The following TBC1D7 variants were observed in gnomAD, a reference collection of about 807,000 sequenced individuals.
The protein encoded by TBC1D7 is TBC1 domain family member 7, also known as TBC domain family 7.
Under a neutral mutation model 35.3 loss-of-function variants are expected in TBC1D7, and 33 were observed. The observed-to-expected ratio is 0.93, with a 90% CI of 0.71 to 1.25. TBC1D7 has a LOEUF of 1.25. Among genes scored for constraint, TBC1D7 ranks in the 50% most tolerant of loss-of-function variants. TBC1D7 has a pLI of 0.00. For missense variants in TBC1D7, 362 were observed against 365.3 expected (o/e 0.99, Z 0.07); for synonymous variants, 135 against 129.5 (o/e 1.04, Z -0.29).
chr6:13,316,483 A>G (rs1202423852), intron 5 of TBC1D7, 88 bp downstream of exon 5: 1 of 1,377,308 alleles, frequency 7.3e-7, no homozygotes, highest in African/African-American at 1.5e-5. Flanking sequence ...TCAGAATTGC[A>G]GCAGCCCCAG....
At chr6:13,322,851 C>T (rs1229075576) in intron 3 of TBC1D7, among the ~76,000 whole-genome samples, 2 of 152,186 alleles carry the variant, frequency 1.3e-5, no homozygotes, top group Non-Finnish European at 2.9e-5. Context: ...CTAGAGGCAG[C>T]ACATTAACCC....
intron 5 of TBC1D7, among the ~76,000 whole-genome samples, chr6:13,315,471 T>C (rs1783536543): frequency 6.6e-6 from 1 of 152,160 alleles, no homozygotes; most frequent in Non-Finnish European, 1.5e-5. Context: ...CCCAGCACTT[T>C]GGGAGGCCAA....
chr6:13,316,352 G>C (rs1186447013), intron 5 of TBC1D7, among the ~76,000 whole-genome samples: 1 of 152,190 alleles, frequency 6.6e-6, no homozygotes, highest in African/African-American at 2.4e-5. Flanking sequence ...GGTTGCTTTT[G>C]TGCAACAACA....
chr6:13,321,230 T>C (rs1052208271), intron 3 of TBC1D7, 135 bp from the exon 4 acceptor site: 4 of 683,292 alleles, frequency 5.9e-6, no homozygotes, highest in Admixed American at 2.9e-5. Flanking sequence ...TCAAGTACCA[T>C]GTAGAATCTC....
At chr6:13,318,316 A>T (rs1017633638) in intron 4 of TBC1D7, 2 of 152,250 alleles carry the variant, frequency 1.3e-5, no homozygotes, top group African/African-American at 4.8e-5. Context: ...GGGATGGCAG[A>T]GTCCAAAACA....
intron 5 of TBC1D7, among the ~76,000 whole-genome samples, chr6:13,313,001 C>T (rs2496147): frequency 0.31 from 46,795 of 151,930 alleles, 7,488 homozygotes; most frequent in South Asian, 0.46. Flanking sequence ...ACACAGATTT[C>T]TTTGTCATTA....
At position 13,326,901 on chromosome 6, in the gene TBC1D7, T is replaced by G; in HGVS notation, c.-3A>C. 1 of 1,583,004 alleles carries G rather than the reference T, an allele frequency of 6.3e-7. No individual in the cohort carries two copies. The highest frequency in any genetic ancestry group is 2.3e-5 in the East Asian group (1 of 44,224). The stretch of plus-strand genomic sequence containing the variant: ...TTTCTCTGAGAGTCCTCAGTCATAT[T>G]TCATTCTTGGAGGAGACACAGAAAG... On this transcript the variant is annotated 5_prime_UTR_variant, in exon 2 of 8. Coordinates refer to ENST00000379300, the MANE Select transcript of TBC1D7 (RefSeq NM_016495.6).
At position 13,307,700 on chromosome 6, in the gene TBC1D7, G is replaced by C; in HGVS notation, c.565C>G (p.Leu189Val). ...GCGGAACACATCCTCAGATGAGTCAGCAGTCTGCCATCTTCCAGATTCAAG... is the reference window on the plus strand; with the variant it reads ...GCGGAACACATCCTCAGATGAGTCACCAGTCTGCCATCTTCCAGATTCAAG... Reference protein sequence around the residue: ...QYLNLEDGRLLTHLRMCSAAP... With the variant: ...QYLNLEDGRLVTHLRMCSAAP... Residue 189 changes from leucine to valine, a missense_variant, in exon 6 of 8, where the codon CTG becomes GTG. Coordinates refer to ENST00000379300, the MANE Select transcript of TBC1D7 (RefSeq NM_016495.6). 6.2e-7 allele frequency: 1 copy of C among 1,614,086 alleles called. No individual in the cohort carries two copies. The highest frequency in any genetic ancestry group is 8.5e-7 in the Non-Finnish European group (1 of 1,179,986).
chr6:13,315,518 G>C (rs1023545710), intron 5 of TBC1D7, among the ~76,000 whole-genome samples: 1 of 151,930 alleles, frequency 6.6e-6, no homozygotes, highest in African/African-American at 2.4e-5. Flanking sequence ...GTTCAAGACC[G>C]GCCTGACCAA....
intron 5 of TBC1D7, among the ~76,000 whole-genome samples, chr6:13,316,009 AAC>A (rs764588971): frequency 9.7e-4 from 147 of 152,296 alleles, no homozygotes; most frequent in Non-Finnish European, 1.2e-3. Flanking sequence ...TTCTGCCTAG[AAC>A]ACAGACGTCA....
chr6:13,307,666 T>G lies in TBC1D7; in HGVS notation c.599A>C (p.Lys200Thr), dbSNP rs768908368. The change falls in exon 6 of 8, where the codon AAA (lysine) becomes ACA (threonine). Residue 200 changes from lysine (K) to threonine (T), a missense_variant. Lys to Thr is a moderately conservative substitution (Grantham distance 78). Coordinates refer to ENST00000379300, the MANE Select transcript of TBC1D7 (RefSeq NM_016495.6). ...CTTGAACCAGAGATCATAAGGAAGTTTGGGCGCCGCGGAACACATCCTCAG... is the reference window on the plus strand; with the variant it reads ...CTTGAACCAGAGATCATAAGGAAGTGTGGGCGCCGCGGAACACATCCTCAG... Reference protein sequence around the residue: ...THLRMCSAAPKLPYDLWFKRC... With the variant: ...THLRMCSAAPTLPYDLWFKRC... 1 of 1,614,128 alleles carries G rather than the reference T, an allele frequency of 6.2e-7. No individual in the cohort carries two copies. The highest frequency in any genetic ancestry group is 1.1e-5 in the South Asian group (1 of 91,086).
At chr6:13,313,743 T>A (rs1043937035) in intron 5 of TBC1D7, among the ~76,000 whole-genome samples, 1 of 152,124 alleles carries the variant, frequency 6.6e-6, no homozygotes, top group African/African-American at 2.4e-5. Context: ...TTTAAGAAAT[T>A]AGAATTCCAG....
chr6:13,313,046 T>C (rs1284225437), intron 5 of TBC1D7, among the ~76,000 whole-genome samples: 2 of 152,180 alleles, frequency 1.3e-5, no homozygotes, highest in Admixed American at 6.5e-5. Flanking sequence ...ACTATTTACA[T>C]AGCATTTACA....
intron 4 of TBC1D7, chr6:13,319,952 CACT>C (rs1180724084): frequency 1.3e-5 from 2 of 152,170 alleles, no homozygotes; most frequent in African/African-American, 4.8e-5. Flanking sequence ...TCCAAGTTAA[CACT>C]ACCTCTTATG....
At chr6:13,312,694 A>G (rs1247173462) in intron 5 of TBC1D7, among the ~76,000 whole-genome samples, 4 of 61,622 alleles carry the variant, frequency 6.5e-5, no homozygotes, top group East Asian at 4.4e-4. Context: ...TCCATCTCAG[A>G]AAAAAAAAAA....
At chr6:13,316,008 G>C (rs1435783316) in intron 5 of TBC1D7, among the ~76,000 whole-genome samples, 2 of 152,150 alleles carry the variant, frequency 1.3e-5, no homozygotes, top group Admixed American at 1.3e-4. Flanking sequence ...CTTCTGCCTA[G>C]AACACAGACG....
At chr6:13,319,566 A>T (rs1156727647) in intron 4 of TBC1D7, 1 of 152,172 alleles carries the variant, frequency 6.6e-6, no homozygotes, top group Non-Finnish European at 1.5e-5. Flanking sequence ...GGATCAGAAG[A>T]AGAGCATCAG....
At position 13,326,780 on chromosome 6, in the gene TBC1D7, T is replaced by C; in HGVS notation, c.112+7A>G. ...AACCAATGAGATTAATTTTTAAAAG[T>C]ACTCACCCAGACGGTCATCTTTTAG... is the stretch of plus-strand genomic sequence containing the variant. On this transcript the variant is annotated splice_region_variant and intron_variant, in intron 2 of 7. Transcript: ENST00000379300. 6.4e-7 allele frequency: 1 copy of C among 1,569,808 alleles called. No homozygotes were observed. The highest frequency in any genetic ancestry group is 8.7e-7 in the Non-Finnish European group (1 of 1,143,144).
intron 3 of TBC1D7, among the ~76,000 whole-genome samples, chr6:13,322,895 G>C (rs1784142115): frequency 6.6e-6 from 1 of 152,128 alleles, no homozygotes; most frequent in South Asian, 2.1e-4. Context: ...GTCCTAAAAT[G>C]TCTCTTTTTG....
Sources: gnomAD v4.1 joint callset for allele counts (sites outside exome capture counted in the v4.1 genomes callset) on GRCh38, gnomAD v4.1.1 for gene constraint, MANE v1.5 for transcripts, NCBI Gene and HGNC (gene_info 2026-07-23, HGNC 2026-07-21) for gene names.